The following ANKRD6 variants were observed in gnomAD, a reference collection of about 807,000 sequenced individuals.
ANKRD6 encodes ankyrin repeat domain-containing protein 6.
In ANKRD6, 56 loss-of-function variants were observed where a neutral mutation model predicts 82.3. The ratio of observed to expected loss-of-function variants is 0.68; its 90% CI spans 0.55 to 0.85. The LOEUF (loss-of-function observed/expected upper bound fraction) is 0.85, where lower values mean the gene tolerates loss of function less well. Ranked by LOEUF, ANKRD6 falls within the 40% of genes least tolerant of loss-of-function variation. The pLI is 0.00. For missense variants in ANKRD6, 852 were observed against 907.6 expected, an observed-to-expected ratio of 0.94 and a Z score of 0.79; for synonymous variants, 347 against 352.1, an observed-to-expected ratio of 0.99 and a Z score of 0.16.
intron 1 of ANKRD6, among the ~76,000 whole-genome samples, chr6:89,474,893 A>G (rs1365442034): frequency 5.3e-5 from 8 of 152,204 alleles, no homozygotes; most frequent in Non-Finnish European, 5.9e-5. Flanking sequence ...CTAGTGTAGT[A>G]GTGGATTCTT....
chr6:89,622,418 C>G (rs1213549795), intron 10 of ANKRD6, among the ~76,000 whole-genome samples: 1 of 152,170 alleles, frequency 6.6e-6, no homozygotes, highest in Non-Finnish European at 1.5e-5. Flanking sequence ...AATGATAATT[C>G]TTGGGCCTCA....
At chr6:89,624,120 G>T in intron 12 of ANKRD6, 63 bp downstream of exon 12, 6 of 1,494,176 alleles carry the variant, frequency 4.0e-6, no homozygotes, top group Non-Finnish European at 5.4e-6. Context: ...TTTGTTTAAC[G>T]GCATTCCTGG....
chr6:89,465,087 A>G (rs1209267256), intron 1 of ANKRD6, among the ~76,000 whole-genome samples: 2 of 151,396 alleles, frequency 1.3e-5, no homozygotes, highest in Non-Finnish European at 2.9e-5. Flanking sequence ...TTTGTAGTGC[A>G]TGTAATTATA....
intron 2 of ANKRD6, among the ~76,000 whole-genome samples, chr6:89,568,757 C>G (rs1489716316): frequency 6.6e-6 from 1 of 152,044 alleles, no homozygotes; most frequent in East Asian, 1.9e-4. Context: ...CATCAGCAAG[C>G]TAGGAAAAGG....
At chr6:89,614,949 T>TA (rs1282003030) in intron 7 of ANKRD6, among the ~76,000 whole-genome samples, 1 of 152,090 alleles carries the variant, frequency 6.6e-6, no homozygotes, top group Non-Finnish European at 1.5e-5. Context: ...CTTGAGCTGA[T>TA]AGTCTTTCAT....
At chr6:89,509,933 C>G (rs1010313082) in intron 1 of ANKRD6, among the ~76,000 whole-genome samples, 3 of 152,208 alleles carry the variant, frequency 2.0e-5, no homozygotes, top group African/African-American at 7.2e-5. Flanking sequence ...CAAACATTAG[C>G]GCTGTTTACT....
At chr6:89,469,190 G>A (rs1408588058) in intron 1 of ANKRD6, among the ~76,000 whole-genome samples, 1 of 152,194 alleles carries the variant, frequency 6.6e-6, no homozygotes, top group Non-Finnish European at 1.5e-5. Flanking sequence ...CTTGTCTAGA[G>A]TATGTTTACT....
chr6:89,510,544 T>C (rs545996754), intron 1 of ANKRD6, among the ~76,000 whole-genome samples: 1 of 152,280 alleles, frequency 6.6e-6, no homozygotes, highest in South Asian at 2.1e-4. Context: ...TGATATCTAG[T>C]TCACATACCA....
chr6:89,575,777 C>G (rs1790988559), intron 2 of ANKRD6, among the ~76,000 whole-genome samples: 1 of 152,144 alleles, frequency 6.6e-6, no homozygotes, highest in Non-Finnish European at 1.5e-5. Context: ...TGCCAGAGCC[C>G]AGATGAGAAC....
intron 13 of ANKRD6, among the ~76,000 whole-genome samples, chr6:89,626,568 G>T (rs891297588): frequency 1.3e-5 from 2 of 152,230 alleles, no homozygotes; most frequent in African/African-American, 4.8e-5. Context: ...TGCTCACCAC[G>T]TCTCCAGAAC....
intron 1 of ANKRD6, among the ~76,000 whole-genome samples, chr6:89,565,866 G>C (rs1788405764): frequency 6.6e-6 from 1 of 152,176 alleles, no homozygotes; most frequent in Non-Finnish European, 1.5e-5. Flanking sequence ...TCACTTCCTT[G>C]CTGTTCTAGC....
rs560325488 is a variant in ANKRD6, at chr6:89,520,033, G to T, written c.-143-46801G>T. On this transcript the variant is annotated intron_variant, in intron 1 of 15. Coordinates refer to ENST00000339746, the MANE Select transcript of ANKRD6 (RefSeq NM_001242809.2). ...GATAGGATCTCGCTCTGTTGCTCAG[G>T]CTTGAGTGCAGTGGCACAATCACGG... Among the ~76,000 whole-genome samples the T allele has an allele frequency of 3.3e-5, 5 of 152,222 alleles. No individual in the cohort carries two copies. In the South Asian group the frequency reaches 1.0e-3, roughly 32 times the overall value.
intron 1 of ANKRD6, among the ~76,000 whole-genome samples, chr6:89,513,900 A>C (rs567865246): frequency 6.6e-6 from 1 of 152,330 alleles, no homozygotes; most frequent in African/African-American, 2.4e-5. Flanking sequence ...TAAATTTTTT[A>C]ATGTATAATG....
intron 7 of ANKRD6, among the ~76,000 whole-genome samples, chr6:89,615,183 T>TG (rs77989033): frequency 0.056 from 8,497 of 151,436 alleles, 282 homozygotes; most frequent in South Asian, 0.15. Context: ...AATTAGATTG[T>TG]GGTGTAGATT....
chr6:89,514,101 G>A (rs979282887), intron 1 of ANKRD6, among the ~76,000 whole-genome samples: 1 of 152,168 alleles, frequency 6.6e-6, no homozygotes, highest in African/African-American at 2.4e-5. Context: ...TGAAGGGCCG[G>A]GTGCGGTAGA....
chr6:89,605,949 T>C, intron 4 of ANKRD6, 58 bp from the exon 5 acceptor site: 2 of 1,298,216 alleles, frequency 1.5e-6, no homozygotes, highest in Non-Finnish European at 1.1e-6. Context: ...GTATTGATCA[T>C]AATGAGAAGA....
chr6:89,476,408 C>T (rs1286390986), intron 1 of ANKRD6, among the ~76,000 whole-genome samples: 1 of 152,090 alleles, frequency 6.6e-6, no homozygotes, highest in Non-Finnish European at 1.5e-5. Context: ...AGGCTGGTCT[C>T]GAACTCTTGA....
intron 12 of ANKRD6, 37 bp downstream of exon 12, chr6:89,624,094 G>A (rs748612749): frequency 6.4e-7 from 1 of 1,564,722 alleles, no homozygotes; most frequent in Admixed American, 2.0e-5. Flanking sequence ...GGGAACATAG[G>A]CCTTCAGCAA....
intron 7 of ANKRD6, among the ~76,000 whole-genome samples, chr6:89,615,958 CAGTT>C (rs1486592978): frequency 6.6e-6 from 1 of 152,176 alleles, no homozygotes; most frequent in Non-Finnish European, 1.5e-5. Flanking sequence ...ATGTAGAAAA[CAGTT>C]GGTCTTGAGT....
Sources: gnomAD v4.1 joint callset for allele counts (sites outside exome capture counted in the v4.1 genomes callset) on GRCh38, gnomAD v4.1.1 for gene constraint, MANE v1.5 for transcripts, NCBI Gene and HGNC (gene_info 2026-07-23, HGNC 2026-07-21) for gene names.